Variants in POU2F3 observed in about 807,000 individuals in gnomAD.
POU2F3 encodes the protein POU domain, class 2, transcription factor 3.
A neutral mutation model predicts 59.2 loss-of-function variants in POU2F3; 23 were observed. The observed-to-expected ratio is 0.39, with a 90% CI of 0.28 to 0.55. The LOEUF (loss-of-function observed/expected upper bound fraction) is 0.55. Ranked by LOEUF, POU2F3 falls within the 20% of genes least tolerant of loss-of-function variation. The pLI, the probability that POU2F3 is intolerant of heterozygous loss-of-function variation, is 0.66. For synonymous variants in POU2F3, 190 were observed against 214.6 expected (o/e 0.89, Z 1.00); for missense variants, 473 against 544.5 (o/e 0.87, Z 1.31).
intron 1 of POU2F3, among the ~76,000 whole-genome samples, chr11:120,244,861 A>T (rs2252520): frequency 0.58 from 87,850 of 151,424 alleles, 26,922 homozygotes; most frequent in Non-Finnish European, 0.7. Context: ...CTGCATATTC[A>T]TGCATGGCAA....
At chr11:120,304,916 T>C (rs1275433992) in intron 6 of POU2F3, 114 bp from the exon 7 acceptor site, 8 of 830,334 alleles carry the variant, frequency 9.6e-6, no homozygotes, top group Non-Finnish European at 1.4e-5. Context: ...TCCAGGGATC[T>C]GTCATCCTCT....
In POU2F3 at chr11:120,255,683, A is replaced by C. The variant is rs1328315741; in HGVS notation, c.97+9166A>C. Among the ~76,000 whole-genome samples the C allele has an allele frequency of 2.6e-5, 4 of 152,134 alleles. No individual in the cohort carries two copies. The East Asian group carries it at 7.7e-4, about 29-fold the overall frequency. On this transcript the variant is annotated intron_variant, in intron 2 of 12. Coordinates refer to ENST00000543440, the MANE Select transcript of POU2F3 (RefSeq NM_014352.4). ...CCACCCCATCTCCACGGGACCCTGG[A>C]GAGCTGGGGGTGGTTGGAGGAGTCG... is the stretch of plus-strand genomic sequence containing the variant.
intron 3 of POU2F3, among the ~76,000 whole-genome samples, chr11:120,282,874 G>A (rs188596730): frequency 1.4e-4 from 22 of 152,296 alleles, no homozygotes; most frequent in Non-Finnish European, 3.2e-4. Context: ...CCATCACTGT[G>A]GATGGTTTCA....
intron 3 of POU2F3, among the ~76,000 whole-genome samples, chr11:120,287,129 T>C (rs1940811339): frequency 6.6e-6 from 1 of 152,204 alleles, no homozygotes; most frequent in Non-Finnish European, 1.5e-5. Flanking sequence ...AAAAACCTGA[T>C]GTTAAAGGAA....
intron 2 of POU2F3, among the ~76,000 whole-genome samples, chr11:120,260,238 C>T (rs1014252500): frequency 2.1e-4 from 32 of 152,256 alleles, no homozygotes; most frequent in African/African-American, 7.5e-4. Context: ...AACTCACATC[C>T]CAGGGCTGCC....
intron 1 of POU2F3, 27 bp downstream of exon 1, chr11:120,240,398 A>G: frequency 7.2e-7 from 1 of 1,396,702 alleles, no homozygotes; most frequent in South Asian, 1.9e-5. Context: ...ATGAGCTCTG[A>G]CAGGTGTCAC....
At chr11:120,257,911 T>C (rs1939415317) in intron 2 of POU2F3, among the ~76,000 whole-genome samples, 1 of 152,144 alleles carries the variant, frequency 6.6e-6, no homozygotes, top group Non-Finnish European at 1.5e-5. Context: ...GAGCTCTGAG[T>C]TCTTTCTCTC....
At chr11:120,312,566 A>G (rs574210009) in intron 10 of POU2F3, among the ~76,000 whole-genome samples, 13 of 152,334 alleles carry the variant, frequency 8.5e-5, no homozygotes, top group African/African-American at 3.1e-4. Context: ...GAAGTACCCT[A>G]AACTCTCTAA....
chr11:120,276,945 C>T (rs903844919), intron 3 of POU2F3, among the ~76,000 whole-genome samples: 3 of 151,828 alleles, frequency 2.0e-5, no homozygotes, highest in Admixed American at 2.0e-4. Context: ...GTCAGGAGTT[C>T]AAGACCAGCC....
chr11:120,246,430 A>C lies in POU2F3; in HGVS notation c.29-19A>C. The C allele has an allele frequency of 6.2e-7, 1 of 1,613,396 alleles. No individual in the cohort carries two copies. The highest frequency in any genetic ancestry group is 8.5e-7 in the Non-Finnish European group (1 of 1,179,542). Reference sequence around the variant, plus strand: ...AAAATTGTGACCTGTTATTAAAATCAGTTGTGTTTTCCCTGCAGATATCAA... The same window carrying C: ...AAAATTGTGACCTGTTATTAAAATCCGTTGTGTTTTCCCTGCAGATATCAA... On this transcript the variant is annotated intron_variant, in intron 1 of 12. Coordinates refer to ENST00000543440, the MANE Select transcript of POU2F3 (RefSeq NM_014352.4).
At chr11:120,236,875 A>G (rs117597465), upstream of POU2F3, among the ~76,000 whole-genome samples, 25 of 152,286 alleles carry the variant, frequency 1.6e-4, 1 homozygote, top group East Asian at 4.1e-3. Flanking sequence ...CATGAGGGAG[A>G]AGCAGGGAAG....
At chr11:120,266,072 C>G (rs1939816216) in intron 2 of POU2F3, 1 of 152,286 alleles carries the variant, frequency 6.6e-6, no homozygotes, top group South Asian at 2.1e-4. Context: ...GAGTCAAACT[C>G]ATTTCCCCAC....
chr11:120,249,936 G>A (rs1001358235), intron 2 of POU2F3: 2 of 152,326 alleles, frequency 1.3e-5, no homozygotes, highest in East Asian at 3.9e-4. Context: ...GGCCTTGTCT[G>A]ACTCTATCAG....
chr11:120,258,170 A>G (rs1048027915), intron 2 of POU2F3, among the ~76,000 whole-genome samples: 18 of 152,034 alleles, frequency 1.2e-4, no homozygotes, highest in African/African-American at 4.1e-4. Context: ...TGAATCTTGC[A>G]CCTCTGGTAG....
chr11:120,252,211 T>TC (rs1318803916), intron 2 of POU2F3, among the ~76,000 whole-genome samples: 1 of 149,500 alleles, frequency 6.7e-6, no homozygotes, highest in African/African-American at 2.5e-5. Context: ...CTTTTCTTTT[T>TC]TTTTTTTTTT....
intron 3 of POU2F3, among the ~76,000 whole-genome samples, chr11:120,276,215 G>A (rs557086559): frequency 6.6e-6 from 1 of 152,262 alleles, no homozygotes; most frequent in South Asian, 2.1e-4. Context: ...GAATGAATAG[G>A]CCATGTTGGA....
intron 2 of POU2F3, chr11:120,250,261 G>A (rs1354078890): frequency 6.6e-6 from 1 of 152,102 alleles, no homozygotes; most frequent in Non-Finnish European, 1.5e-5. Context: ...TGTCTTCTCT[G>A]TTTGGGCTCC....
intron 2 of POU2F3, among the ~76,000 whole-genome samples, chr11:120,251,998 G>A (rs2135142965): frequency 6.6e-6 from 1 of 151,900 alleles, no homozygotes; most frequent in Non-Finnish European, 1.5e-5. Flanking sequence ...GTTTCATCAT[G>A]TTGGTCAGGC....
rs1031784540 is a variant in POU2F3 at position 120,309,700 on chromosome 11, G to A, written c.1068+114G>A. 2.4e-6 allele frequency: 3 copies of A among 1,250,136 alleles called. No individual in the cohort carries two copies. In the African/African-American group the frequency reaches 4.5e-5, roughly 19 times the overall value. 77.4% of individuals were successfully genotyped at this position (1,250,136 alleles called of 1,614,324 possible). A position where few individuals can be genotyped will look rare whatever the true frequency, so the allele number is the denominator to read the frequency against. ...CATCCAGTAAATAAATAAGCAAAGAGATGCTGTATAGAATATAGTATAAAG... is the reference window on the plus strand; with the variant it reads ...CATCCAGTAAATAAATAAGCAAAGAAATGCTGTATAGAATATAGTATAAAG... On this transcript the variant is annotated intron_variant, in intron 10 of 12. Transcript: ENST00000543440.
Sources: gnomAD v4.1 joint callset for allele counts (sites outside exome capture counted in the v4.1 genomes callset) on GRCh38, gnomAD v4.1.1 for gene constraint, MANE v1.5 for transcripts, NCBI Gene and HGNC (gene_info 2026-07-23, HGNC 2026-07-21) for gene names.